Variants in PRKCA observed in about 807,000 individuals in gnomAD.
PRKCA encodes the protein protein kinase C alpha type.
PRKCA carries 27 observed loss-of-function variants against 87.0 expected under a neutral mutation model. The observed-to-expected ratio is 0.31, with a 90% CI of 0.23 to 0.43. The LOEUF (loss-of-function observed/expected upper bound fraction) is 0.43, where lower values mean the gene tolerates loss of function less well. Among genes scored for constraint, PRKCA ranks in the 20% least tolerant of loss-of-function variants. PRKCA has a pLI of 1.00. For missense variants in PRKCA, 518 were observed against 852.3 expected (o/e 0.61, Z 4.88); for synonymous variants, 329 against 311.1 (o/e 1.06, Z -0.61).
At chr17:66,335,587 C>G (rs1233728633) in intron 2 of PRKCA, among the ~76,000 whole-genome samples, 3 of 148,510 alleles carry the variant, frequency 2.0e-5, no homozygotes, top group Non-Finnish European at 4.5e-5. Context: ...CCCCCACTGC[C>G]CAAAAAAAAA....
chr17:66,644,267 A>T (rs1410749851), intron 4 of PRKCA, among the ~76,000 whole-genome samples: 1 of 152,206 alleles, frequency 6.6e-6, no homozygotes, highest in Non-Finnish European at 1.5e-5. Context: ...AGTATACATT[A>T]TTCATGATGC....
intron 2 of PRKCA, among the ~76,000 whole-genome samples, chr17:66,425,780 C>T (rs1316171970): frequency 1.3e-5 from 2 of 151,998 alleles, no homozygotes; most frequent in East Asian, 1.9e-4. Flanking sequence ...AAGGTATGTG[C>T]GACATGGTAA....
At chr17:66,758,380 C>T (rs148161426) in intron 13 of PRKCA, among the ~76,000 whole-genome samples, 15 of 152,240 alleles carry the variant, frequency 9.9e-5, no homozygotes, top group East Asian at 7.7e-4. Context: ...ATTTGATCTA[C>T]GGGAAGAAAT....
chr17:66,754,433 G>A (rs1974504982), intron 13 of PRKCA, among the ~76,000 whole-genome samples: 1 of 152,100 alleles, frequency 6.6e-6, no homozygotes, highest in Admixed American at 6.5e-5. Context: ...CCTCCCCACT[G>A]TGCGTGTGAC....
At chr17:66,522,460 G>A (rs953135109) in intron 3 of PRKCA, among the ~76,000 whole-genome samples, 1 of 152,132 alleles carries the variant, frequency 6.6e-6, no homozygotes, top group Non-Finnish European at 1.5e-5. Flanking sequence ...GACAGTAATC[G>A]AAGTAGGAGC....
intron 3 of PRKCA, among the ~76,000 whole-genome samples, chr17:66,534,914 A>AT (rs571211063): frequency 6.6e-6 from 1 of 152,232 alleles, no homozygotes; most frequent in South Asian, 2.1e-4. Context: ...ATTGGAATAT[A>AT]TTTCCATTTC....
chr17:66,557,219 AT>A (rs1029246199), intron 3 of PRKCA, among the ~76,000 whole-genome samples: 2 of 152,104 alleles, frequency 1.3e-5, no homozygotes, highest in African/African-American at 4.8e-5. Flanking sequence ...AGTGTTTCTG[AT>A]TTTTTTAAGG....
chr17:66,672,882 TACTG>T (rs1972229749), intron 5 of PRKCA, among the ~76,000 whole-genome samples: 1 of 152,222 alleles, frequency 6.6e-6, no homozygotes, highest in South Asian at 2.1e-4. Flanking sequence ...ATGTGGAAGA[TACTG>T]GCCATAAACA....
chr17:66,516,658 C>G (rs1966980305), intron 3 of PRKCA, among the ~76,000 whole-genome samples: 1 of 151,902 alleles, frequency 6.6e-6, no homozygotes, highest in African/African-American at 2.4e-5. Flanking sequence ...AGTTGCAGGA[C>G]TTGATATGAG....
chr17:66,777,907 G>C, intron 14 of PRKCA: 1 of 985,316 alleles, frequency 1.0e-6, no homozygotes, highest in South Asian at 4.7e-5. Flanking sequence ...CCCTCTCCAA[G>C]CCTTCCTGGG....
rs545300896 is a variant in PRKCA, at chr17:66,670,021, G to A, written c.530-17090G>A. On this transcript the variant is annotated intron_variant, in intron 5 of 16. Transcript: ENST00000413366. ...CCAGGTTGTCACTAGACCTCTAATC[G>A]TATGCACTACTAAATTTTAAGAGAT... Among the ~76,000 whole-genome samples, 7 of 152,288 alleles carry A rather than the reference G, an allele frequency of 4.6e-5. No individual in the cohort carries two copies. In the South Asian group the frequency reaches 1.5e-3, roughly 32 times the overall value.
chr17:66,383,593 G>A (rs1909891348), intron 2 of PRKCA, among the ~76,000 whole-genome samples: 1 of 152,156 alleles, frequency 6.6e-6, no homozygotes, highest in Non-Finnish European at 1.5e-5. Context: ...TGTACTTACT[G>A]CGAAGAAGTT....
chr17:66,500,723 C>T lies in PRKCA; in HGVS notation c.288+4440C>T, dbSNP rs184724083. ...GCACATTGACAGCTATTCCTTGGTG[C>T]ATTTGTTGAAAATTCTGGTCAGGTG... is the stretch of plus-strand genomic sequence containing the variant. On this transcript the variant is annotated intron_variant, in intron 3 of 16. Transcript: ENST00000413366. Among the ~76,000 whole-genome samples the T allele has an allele frequency of 6.4e-3, 974 of 152,234 alleles. 31 individuals are homozygous for T. Among genetic ancestry groups the T allele is most frequent in the Admixed American group, 0.055 (844 of 15,278 alleles).
At chr17:66,425,380 G>A (rs996379021) in intron 2 of PRKCA, among the ~76,000 whole-genome samples, 4 of 151,982 alleles carry the variant, frequency 2.6e-5, no homozygotes, top group Admixed American at 1.3e-4. Flanking sequence ...TCTGTGTGTG[G>A]TTTGGTATTT....
At chr17:66,428,015 A>G (rs1469004252) in intron 2 of PRKCA, among the ~76,000 whole-genome samples, 1 of 152,180 alleles carries the variant, frequency 6.6e-6, no homozygotes. Context: ...GGTACTGAGC[A>G]AAGACTTAAG....
chr17:66,616,038 A>T (rs1187897477), intron 3 of PRKCA, among the ~76,000 whole-genome samples: 2 of 152,228 alleles, frequency 1.3e-5, no homozygotes, highest in East Asian at 3.9e-4. Context: ...ATGCAATGTT[A>T]CTCGTCACTA....
chr17:66,728,897 T>G (rs999445621), intron 8 of PRKCA, among the ~76,000 whole-genome samples: 1 of 152,206 alleles, frequency 6.6e-6, no homozygotes, highest in Admixed American at 6.5e-5. Flanking sequence ...AACCGCAACT[T>G]CACCCAGGTG....
At position 66,720,134 on chromosome 17, in the gene PRKCA, G is replaced by A. The variant is rs565310309; in HGVS notation, c.919-12554G>A. 4.3e-4 allele frequency among the ~76,000 whole-genome samples: 66 copies of A among 152,362 alleles called. 1 individual carries two copies. The South Asian group carries it at 8.5e-3, about 20-fold the overall frequency. Reference sequence around the variant, plus strand: ...GATTGGTAATGAGAAGAGAGGGAGGGAGTATGCACCACAGAAACCGGTGCA... The same window carrying A: ...GATTGGTAATGAGAAGAGAGGGAGGAAGTATGCACCACAGAAACCGGTGCA... On this transcript the variant is annotated intron_variant, in intron 8 of 16. Coordinates refer to ENST00000413366, the MANE Select transcript of PRKCA (RefSeq NM_002737.3).
Position 66,602,457 on chromosome 17 carries a change from C to T in PRKCA, c.289-38898C>T, listed in dbSNP as rs1469457108. On this transcript the variant is annotated intron_variant, in intron 3 of 16. Transcript: ENST00000413366. The stretch of plus-strand genomic sequence containing the variant: ...CACGGTGCGCACACCCACTGACCTG[C>T]GCCCACTGTCTGGCACTCCCTAGTG... 1.1e-4 allele frequency among the ~76,000 whole-genome samples: 16 copies of T among 151,086 alleles called. No homozygotes were observed. In the East Asian group the frequency reaches 1.8e-3, roughly 17 times the overall value.
Sources: gnomAD v4.1 joint callset for allele counts (sites outside exome capture counted in the v4.1 genomes callset) on GRCh38, gnomAD v4.1.1 for gene constraint, MANE v1.5 for transcripts, NCBI Gene and HGNC (gene_info 2026-07-23, HGNC 2026-07-21) for gene names.